SCAPER: variants seen among roughly 807,000 people sequenced by gnomAD.
SCAPER encodes S-phase cyclin A associated protein in the ER.
In SCAPER, 98 loss-of-function variants were observed where a neutral mutation model predicts 182.2. The observed-to-expected ratio is 0.54, with a 90% confidence interval of 0.46 to 0.64. SCAPER has a LOEUF of 0.64. Among genes scored for constraint, SCAPER ranks in the 30% least tolerant of loss-of-function variants. The pLI, the probability that SCAPER is intolerant of heterozygous loss-of-function variation, is 0.00. For synonymous variants in SCAPER, 605 were observed against 564.6 expected (o/e 1.07, Z -1.01); for missense variants, 1,432 against 1,690.0 (o/e 0.85, Z 2.68).
intron 20 of SCAPER, among the ~76,000 whole-genome samples, chr15:76,693,077 A>G (rs1364273485): frequency 6.6e-6 from 1 of 152,142 alleles, no homozygotes; most frequent in Non-Finnish European, 1.5e-5. Flanking sequence ...TGCTACATTT[A>G]TTTTAAGGCT....
In SCAPER at chr15:76,584,599, T is replaced by A. The variant is rs546559814; in HGVS notation, c.2712-10315A>T. On this transcript the variant is annotated intron_variant, in intron 22 of 31. Transcript: ENST00000563290. ...CAAAATCTAAGGCTCAAGAAAGTTA[T>A]GTGATCTTCCCAAGGTCACACAGTT... is the stretch of plus-strand genomic sequence containing the variant. Among the ~76,000 whole-genome samples, 4 of 152,368 alleles carry A rather than the reference T, an allele frequency of 2.6e-5. No homozygotes were observed. The South Asian group carries it at 8.3e-4, about 32-fold the overall frequency.
In SCAPER at chr15:76,728,756, G is replaced by A; in HGVS notation, c.2023-19C>T. On this transcript the variant is annotated intron_variant, in intron 16 of 31. Coordinates refer to ENST00000563290, the MANE Select transcript of SCAPER (RefSeq NM_020843.4). ...TGCGTTCCTAATGTTAGAAATATTT[G>A]TTTCCAATATTAGAATTATGTGTAA... 6.3e-7 allele frequency: 1 copy of A among 1,596,372 alleles called. No homozygotes were observed. The highest frequency in any genetic ancestry group is 8.5e-7 in the Non-Finnish European group (1 of 1,173,660).
chr15:76,524,753 G>A (rs2043077392), intron 23 of SCAPER, among the ~76,000 whole-genome samples: 1 of 122,426 alleles, frequency 8.2e-6, no homozygotes, highest in Admixed American at 9.7e-5. Flanking sequence ...ACGTAAGAGT[G>A]TATGCATGAA....
At chr15:76,465,140 T>C (rs1206631432) in intron 25 of SCAPER, among the ~76,000 whole-genome samples, 2 of 152,184 alleles carry the variant, frequency 1.3e-5, no homozygotes, top group African/African-American at 2.4e-5. Flanking sequence ...GTCTGACTTA[T>C]TCCATTTGAG....
intron 2 of SCAPER, among the ~76,000 whole-genome samples, chr15:76,871,363 C>T (rs2072715939): frequency 6.9e-6 from 1 of 145,164 alleles, no homozygotes; most frequent in Non-Finnish European, 1.5e-5. Context: ...GAGCTGAGAT[C>T]GCACCACTGC....
chr15:76,510,541 T>C (rs952926554), intron 23 of SCAPER, among the ~76,000 whole-genome samples: 1 of 152,080 alleles, frequency 6.6e-6, no homozygotes, highest in East Asian at 1.9e-4. Flanking sequence ...AAAACCACAA[T>C]GTGATACCAC....
At chr15:76,513,940 T>G (rs1445574901) in intron 23 of SCAPER, among the ~76,000 whole-genome samples, 1 of 152,214 alleles carries the variant, frequency 6.6e-6, no homozygotes, top group Non-Finnish European at 1.5e-5. Flanking sequence ...TATTTAGCTG[T>G]ATTTTTTTGT....
intron 25 of SCAPER, among the ~76,000 whole-genome samples, chr15:76,468,525 AAAG>A (rs1319899048): frequency 1.3e-5 from 2 of 152,278 alleles, no homozygotes; most frequent in East Asian, 3.9e-4. Flanking sequence ...CTAGGCTTTC[AAAG>A]AAGAAGAAAA....
intron 29 of SCAPER, among the ~76,000 whole-genome samples, chr15:76,373,964 C>A (rs1240968517): frequency 1.3e-5 from 2 of 151,158 alleles, no homozygotes. Flanking sequence ...CAGCTTCTCA[C>A]CTTGTACTTG....
intron 5 of SCAPER, among the ~76,000 whole-genome samples, chr15:76,823,067 T>C (rs1267853723): frequency 2.6e-5 from 4 of 152,262 alleles, no homozygotes; most frequent in Non-Finnish European, 4.4e-5. Context: ...ATTTGTATTA[T>C]AAATGCATTA....
chr15:76,904,153 G>A (rs192597854), intron 1 of SCAPER, among the ~76,000 whole-genome samples: 124 of 151,900 alleles, frequency 8.2e-4, no homozygotes, highest in Middle Eastern at 3.4e-3. Flanking sequence ...GGCCAGAGTG[G>A]GACAGTGGTC....
intron 15 of SCAPER, among the ~76,000 whole-genome samples, chr15:76,748,831 T>C (rs905814773): frequency 8.6e-5 from 13 of 151,638 alleles, no homozygotes; most frequent in African/African-American, 2.7e-4. Flanking sequence ...ATAATAGGAA[T>C]AGCTCTATGT....
chr15:76,699,811 A>G (rs1032759987), intron 20 of SCAPER, among the ~76,000 whole-genome samples: 5 of 152,252 alleles, frequency 3.3e-5, no homozygotes, highest in African/African-American at 9.6e-5. Flanking sequence ...TAGCAGTCAC[A>G]GGTTCCACAT....
chr15:76,369,245 C>G (rs543623421), intron 29 of SCAPER, among the ~76,000 whole-genome samples: 4 of 152,224 alleles, frequency 2.6e-5, no homozygotes, highest in African/African-American at 9.6e-5. Context: ...AAGACACAAG[C>G]TGCTTTCCCA....
intron 5 of SCAPER, among the ~76,000 whole-genome samples, chr15:76,813,061 T>C (rs550357073): frequency 1.1e-3 from 167 of 151,364 alleles, no homozygotes; most frequent in Non-Finnish European, 2.2e-3. Context: ...AAAGATAATA[T>C]ACCATAACCA....
chr15:76,742,014 TA>T (rs1451303042), intron 15 of SCAPER, among the ~76,000 whole-genome samples: 1 of 152,064 alleles, frequency 6.6e-6, no homozygotes, highest in African/African-American at 2.4e-5. Context: ...CAGTTACGTT[TA>T]ACTAACAAAA....
chr15:76,756,516 T>C (rs1007503401), intron 14 of SCAPER, among the ~76,000 whole-genome samples: 3 of 152,126 alleles, frequency 2.0e-5, no homozygotes, highest in African/African-American at 4.8e-5. Context: ...AGTTCTAGGC[T>C]GCAGTGAGCT....
At chr15:76,875,759 C>T (rs1222100050) in intron 2 of SCAPER, among the ~76,000 whole-genome samples, 1 of 152,212 alleles carries the variant, frequency 6.6e-6, no homozygotes, top group Admixed American at 6.5e-5. Context: ...TTCGTGGTCT[C>T]GCTGGCTCAG....
intron 22 of SCAPER, among the ~76,000 whole-genome samples, chr15:76,609,222 C>G (rs2050753905): frequency 6.6e-6 from 1 of 152,026 alleles, no homozygotes; most frequent in Non-Finnish European, 1.5e-5. Flanking sequence ...CACAATGGCT[C>G]TCACCTATAA....
Sources: allele counts gnomAD v4.1 joint callset (sites outside exome capture counted in the v4.1 genomes callset), GRCh38; gene constraint gnomAD v4.1.1; transcripts MANE v1.5; gene names NCBI Gene and HGNC (gene_info 2026-07-23, HGNC 2026-07-21).